SIK2: variants seen among roughly 807,000 people sequenced by gnomAD.
SIK2 encodes salt inducible kinase 2, also known as serine/threonine-protein kinase SIK2.
SIK2 carries 29 observed loss-of-function variants against 103.2 expected under a neutral mutation model. The ratio of observed to expected loss-of-function variants is 0.28; its 90% CI spans 0.21 to 0.38. The LOEUF (loss-of-function observed/expected upper bound fraction) is 0.38, where lower values mean the gene tolerates loss of function less well. Ranked by LOEUF, SIK2 falls within the 10% of genes least tolerant of loss-of-function variation. The pLI is 1.00. For missense variants in SIK2, 879 were observed against 1,171.0 expected, an observed-to-expected ratio of 0.75 and a Z score of 3.64; for synonymous variants, 412 against 446.1, an observed-to-expected ratio of 0.92 and a Z score of 0.96.
chr11:111,696,724 T>C (rs1943079674), intron 4 of SIK2, among the ~76,000 whole-genome samples: 2 of 152,250 alleles, frequency 1.3e-5, no homozygotes, highest in Admixed American at 1.3e-4. Flanking sequence ...TATTTTGTGT[T>C]GTTGCAAGAC....
chr11:111,658,157 G>T (rs1012508970), intron 3 of SIK2, among the ~76,000 whole-genome samples: 19 of 145,848 alleles, frequency 1.3e-4, no homozygotes, highest in Non-Finnish European at 2.7e-4. Flanking sequence ...ACAGAGTCTT[G>T]CTCTGTCACC....
chr11:111,634,438 C>T (rs1281528527), intron 3 of SIK2, among the ~76,000 whole-genome samples: 4 of 151,986 alleles, frequency 2.6e-5, no homozygotes, highest in Non-Finnish European at 5.9e-5. Flanking sequence ...CCAGTATGAA[C>T]CTAAGTTTTA....
At chr11:111,713,300 A>G (rs1314177353) in intron 9 of SIK2, among the ~76,000 whole-genome samples, 1 of 152,244 alleles carries the variant, frequency 6.6e-6, no homozygotes, top group Admixed American at 6.5e-5. Flanking sequence ...ACTTAGCATA[A>G]GCGATGTATA....
rs558450245 is a variant in SIK2 at position 111,618,869 on chromosome 11, G to A, written c.253-1470G>A. Among the ~76,000 whole-genome samples, 36 of 152,196 alleles carry A rather than the reference G, an allele frequency of 2.4e-4. No individual in the cohort carries two copies. In the South Asian group the frequency reaches 7.1e-3, roughly 30 times the overall value. ...CCTCAACCCCTCCCCAAGTAGCTGG[G>A]ACTACAAGCACATGCCACTATACCT... On this transcript the variant is annotated intron_variant, in intron 2 of 14. Coordinates refer to ENST00000304987, the MANE Select transcript of SIK2 (RefSeq NM_015191.3).
chr11:111,657,923 A>G (rs1408193031), intron 3 of SIK2, among the ~76,000 whole-genome samples: 2 of 152,158 alleles, frequency 1.3e-5, no homozygotes, highest in Non-Finnish European at 2.9e-5. Context: ...GGCTGCAACT[A>G]TACGTCATGC....
chr11:111,691,534 C>T (rs980088495), intron 4 of SIK2, among the ~76,000 whole-genome samples: 4 of 152,308 alleles, frequency 2.6e-5, no homozygotes, highest in African/African-American at 9.6e-5. Flanking sequence ...GTCCTTCTCC[C>T]ACTACACCAT....
Position 111,727,374 on chromosome 11 carries a change from C to A in SIK2, c.*3245C>A. 1 of 396,266 alleles carries A rather than the reference C, an allele frequency of 2.5e-6. No individual in the cohort carries two copies. The highest frequency in any genetic ancestry group is 4.6e-6 in the Non-Finnish European group (1 of 216,490). The allele number at this position is 396,266 out of a possible 1,614,324, so 24.5% of individuals were successfully genotyped here. The stretch of plus-strand genomic sequence containing the variant: ...CAGTGGCCCTTTCTTCCTCAGATAT[C>A]AAGAACTCCCAAGTGTTTAAACCGT... On this transcript the variant is annotated 3_prime_UTR_variant, in exon 15 of 15. Coordinates refer to ENST00000304987, the MANE Select transcript of SIK2 (RefSeq NM_015191.3).
At chr11:111,689,105 CAG>C (rs1942889612) in intron 4 of SIK2, among the ~76,000 whole-genome samples, 1 of 151,976 alleles carries the variant, frequency 6.6e-6, no homozygotes, top group African/African-American at 2.4e-5. Flanking sequence ...GGCAGGTAGA[CAG>C]AGATTGGAAT....
rs372465435 is a variant in SIK2 at position 111,685,271 on chromosome 11, C to T, written c.317-2730C>T. Among the ~76,000 whole-genome samples, 19 of 152,302 alleles carry T rather than the reference C, an allele frequency of 1.2e-4. 2 individuals carry two copies. The highest frequency in any genetic ancestry group is 4.1e-4 in the African/African-American group (17 of 41,566). On this transcript the variant is annotated intron_variant, in intron 3 of 14. Coordinates refer to ENST00000304987, the MANE Select transcript of SIK2 (RefSeq NM_015191.3). ...ACTTAGATCCCTCACATGTGCAGTTCACAATAGGGTTCACATTCCTATGGC... is the reference window on the plus strand; with the variant it reads ...ACTTAGATCCCTCACATGTGCAGTTTACAATAGGGTTCACATTCCTATGGC...
intron 3 of SIK2, among the ~76,000 whole-genome samples, chr11:111,643,512 A>G (rs1157929790): frequency 6.6e-6 from 1 of 152,132 alleles, no homozygotes; most frequent in East Asian, 1.9e-4. Context: ...TAGACAGGCA[A>G]TCATTGCAAA....
At position 111,723,827 on chromosome 11, in the gene SIK2, C is replaced by A. The variant is rs147750033; in HGVS notation, c.2479C>A (p.Pro827Thr). 28 of 1,613,384 alleles carry A rather than the reference C, an allele frequency of 1.7e-5. No homozygotes were observed. The African/African-American group carries it at 3.3e-4, about 19-fold the overall frequency. Residue 827 changes from proline (P) to threonine (T), a missense_variant, in exon 15 of 15, where the codon CCA becomes ACA. Physicochemically the swap from Pro to Thr is conservative, Grantham distance 38. Coordinates refer to ENST00000304987, the MANE Select transcript of SIK2 (RefSeq NM_015191.3). ...ACAGCAGCAGCAGCCGCCACCGCCA[C>A]CACCCCCTCCACCACCACGACAGCC... ...QLQQQQPPPP[P>T]PPPPPRQPGA...
chr11:111,674,037 G>T (rs1942664672), intron 3 of SIK2, among the ~76,000 whole-genome samples: 1 of 148,454 alleles, frequency 6.7e-6, no homozygotes, highest in African/African-American at 2.5e-5. Context: ...TCGCACCGCT[G>T]CACTCCAAAC....
At chr11:111,614,484 T>C (rs1327450742) in intron 1 of SIK2, among the ~76,000 whole-genome samples, 1 of 152,244 alleles carries the variant, frequency 6.6e-6, no homozygotes, top group African/African-American at 2.4e-5. Flanking sequence ...ACATGCATTA[T>C]ATACTTTATT....
At chr11:111,672,784 G>A (rs1462022150) in intron 3 of SIK2, among the ~76,000 whole-genome samples, 1 of 152,162 alleles carries the variant, frequency 6.6e-6, no homozygotes, top group African/African-American at 2.4e-5. Flanking sequence ...TTTAACTTTG[G>A]TAGGTCCAGA....
chr11:111,674,743 G>C (rs1942679861), intron 3 of SIK2, among the ~76,000 whole-genome samples: 1 of 151,884 alleles, frequency 6.6e-6, no homozygotes, highest in Admixed American at 6.6e-5. Context: ...TATTTCTACT[G>C]TGATAATTTT....
intron 3 of SIK2, chr11:111,671,438 C>A: frequency 4.1e-6 from 1 of 241,682 alleles, no homozygotes; most frequent in Non-Finnish European, 8.2e-6. Context: ...CTCTGAGGCC[C>A]TTTGCTGATG....
Position 111,729,324 on chromosome 11 carries a change from G to A in SIK2, c.*5195G>A, listed in dbSNP as rs531058285. The stretch of plus-strand genomic sequence containing the variant: ...CTCGCAGACCCACCCAGGGAGAGCT[G>A]TGATGGGTTCTGCCCAGATACTCTG... On this transcript the variant is annotated 3_prime_UTR_variant, in exon 15 of 15. Transcript: ENST00000304987. 1 of 152,382 alleles carries A rather than the reference G, an allele frequency of 6.6e-6. No individual in the cohort carries two copies. 9.4% of individuals were successfully genotyped at this position (152,382 alleles called of 1,614,324 possible).
rs186745261 is a variant in SIK2, at chr11:111,708,134, C to T, written c.1101+2995C>T. ...CAGTTGCTCATGCCTGTAATCCCGG[C>T]GCTTTGGGAGGCCAAGGCAGGTGGT... On this transcript the variant is annotated intron_variant, in intron 8 of 14. Transcript: ENST00000304987. Among the ~76,000 whole-genome samples the T allele has an allele frequency of 3.1e-3, 479 of 152,242 alleles. 1 individual carries two copies. The highest frequency in any genetic ancestry group is 0.03 in the South Asian group (144 of 4,814).
At chr11:111,624,637 T>C (rs1482208233) in intron 3 of SIK2, among the ~76,000 whole-genome samples, 4 of 152,212 alleles carry the variant, frequency 2.6e-5, no homozygotes, top group African/African-American at 9.6e-5. Context: ...AAAACTGCAA[T>C]GAAGAAAATA....
Sources: allele counts gnomAD v4.1 joint callset (sites outside exome capture counted in the v4.1 genomes callset), GRCh38; gene constraint gnomAD v4.1.1; transcripts MANE v1.5; gene names NCBI Gene and HGNC (gene_info 2026-07-23, HGNC 2026-07-21).